The following COL22A1 variants were observed in gnomAD, a reference collection of about 807,000 sequenced individuals.
COL22A1 encodes the protein collagen type XXII alpha 1 chain.
A neutral mutation model predicts 248.9 loss-of-function variants in COL22A1; 221 were observed. The observed-to-expected ratio is 0.89, with a 90% CI of 0.80 to 0.99. The LOEUF (loss-of-function observed/expected upper bound fraction) is 0.99, where lower values mean the gene tolerates loss of function less well. Ranked by LOEUF, COL22A1 falls within the 50% of genes least tolerant of loss-of-function variation. The probability of loss-of-function intolerance (pLI) is 0.00; values close to 1 mark genes in which losing one functional copy is unlikely to be tolerated. For missense variants in COL22A1, 2,240 were observed against 2,179.0 expected, an observed-to-expected ratio of 1.03 and a Z score of -0.56; for synonymous variants, 891 against 793.4, an observed-to-expected ratio of 1.12 and a Z score of -2.07.
Position 138,878,028 on chromosome 8 carries a change from C to CG in COL22A1, c.379dup (p.Arg127ProfsTer93), listed in dbSNP as rs1563876762. ...GCCGCCGGCGTGTGGGGAGAAGCTG[C>CG]GGGCCGTGATGTAGCGGAGCGCGTC... On this transcript the variant is annotated frameshift_variant, in exon 3 of 65. Transcript: ENST00000303045. LOFTEE classifies it high-confidence loss of function. 2 of 1,590,454 alleles carry CG rather than the reference C, an allele frequency of 1.3e-6. No individual in the cohort carries two copies. Among genetic ancestry groups the CG allele is most frequent in the Non-Finnish European group, 1.7e-6 (2 of 1,168,826 alleles).
chr8:138,640,647 G>A (rs1426927672), intron 47 of COL22A1, among the ~76,000 whole-genome samples: 3 of 152,112 alleles, frequency 2.0e-5, no homozygotes, highest in Admixed American at 6.5e-5. Flanking sequence ...CTGACAATTT[G>A]TTGTGGTTGT....
At chr8:138,780,487 G>T (rs61702452) in intron 13 of COL22A1, among the ~76,000 whole-genome samples, 6,424 of 152,240 alleles carry the variant, frequency 0.042, 478 homozygotes, top group African/African-American at 0.15. Context: ...CAGCTCAGAG[G>T]CAGGTGAGAT....
intron 17 of COL22A1, among the ~76,000 whole-genome samples, chr8:138,761,660 A>G (rs975529380): frequency 6.6e-6 from 1 of 152,090 alleles, no homozygotes; most frequent in Admixed American, 6.5e-5. Context: ...ATGCTATGCA[A>G]CATAGTATTT....
Position 138,776,069 on chromosome 8 carries a change from C to T in COL22A1, c.1759-59G>A, listed in dbSNP as rs370272197. On this transcript the variant is annotated intron_variant, in intron 15 of 64. Transcript: ENST00000303045. ...CTTAATCTGGCTTCTCTGTGCTCAC[C>T]GTGGGGGTGTCCATGGAGAAACTGC... 5.3e-4 allele frequency: 834 copies of T among 1,570,068 alleles called. 3 individuals are homozygous for T. In the African/African-American group the frequency reaches 9.4e-3, roughly 18 times the overall value.
chr8:138,655,890 C>T lies in COL22A1; in HGVS notation c.3333+7G>A. On this transcript the variant is annotated splice_region_variant and intron_variant, in intron 45 of 64. Transcript: ENST00000303045. ...AAAACACATGCGCATTTATTGTATG[C>T]TTTTACCTTAGCCAAGAGATTTATG... 1 of 1,608,194 alleles carries T rather than the reference C, an allele frequency of 6.2e-7. No homozygotes were observed. The highest frequency in any genetic ancestry group is 1.1e-5 in the South Asian group (1 of 90,816).
chr8:138,650,282 TG>T (rs1388873584), intron 45 of COL22A1, among the ~76,000 whole-genome samples: 1 of 152,220 alleles, frequency 6.6e-6, no homozygotes, highest in Non-Finnish European at 1.5e-5. Context: ...CACACACCCT[TG>T]GGACTTTGTT....
intron 63 of COL22A1, among the ~76,000 whole-genome samples, chr8:138,592,300 T>C (rs1817136650): frequency 6.6e-6 from 1 of 152,232 alleles, no homozygotes; most frequent in African/African-American, 2.4e-5. Flanking sequence ...GTTTTTTAAA[T>C]CAATCACTTG....
chr8:138,614,342 G>A (rs143744512), intron 55 of COL22A1, among the ~76,000 whole-genome samples: 23 of 152,294 alleles, frequency 1.5e-4, no homozygotes, highest in African/African-American at 5.5e-4. Flanking sequence ...CTGCCAGCTT[G>A]CTAAGCAGTG....
chr8:138,867,087 G>C (rs1822954450), intron 3 of COL22A1, among the ~76,000 whole-genome samples: 1 of 152,208 alleles, frequency 6.6e-6, no homozygotes, highest in African/African-American at 2.4e-5. Flanking sequence ...ATAGTAAATA[G>C]CCTTTGGATC....
chr8:138,757,565 C>T (rs1833120630), intron 18 of COL22A1, among the ~76,000 whole-genome samples: 1 of 152,210 alleles, frequency 6.6e-6, no homozygotes, highest in Admixed American at 6.5e-5. Flanking sequence ...AATGTTCCAA[C>T]AAATTTGGTA....
At chr8:138,614,677 T>C (rs1819171537) in intron 55 of COL22A1, among the ~76,000 whole-genome samples, 1 of 151,956 alleles carries the variant, frequency 6.6e-6, no homozygotes, top group Non-Finnish European at 1.5e-5. Context: ...GGATGGACTG[T>C]ATCACGATTC....
chr8:138,799,034 T>TC (rs1289630691), intron 11 of COL22A1, among the ~76,000 whole-genome samples: 1 of 152,180 alleles, frequency 6.6e-6, no homozygotes, highest in Non-Finnish European at 1.5e-5. Flanking sequence ...CATTATTTTT[T>TC]CTCTGTTCTT....
At chr8:138,651,057 G>T (rs1036132837) in intron 45 of COL22A1, among the ~76,000 whole-genome samples, 2 of 152,166 alleles carry the variant, frequency 1.3e-5, no homozygotes, top group African/African-American at 4.8e-5. Flanking sequence ...TCCGATTTCA[G>T]GATGGTCAAG....
chr8:138,812,798 C>G, intron 8 of COL22A1, 141 bp downstream of exon 8: 2 of 697,508 alleles, frequency 2.9e-6, no homozygotes, highest in Non-Finnish European at 5.1e-6. Context: ...AGCCCATACC[C>G]TAAGCTCCCT....
intron 46 of COL22A1, among the ~76,000 whole-genome samples, chr8:138,647,472 G>A (rs566248290): frequency 2.0e-5 from 3 of 152,360 alleles, no homozygotes; most frequent in African/African-American, 7.2e-5. Flanking sequence ...AAAGTGTGCT[G>A]CACTAAGAAA....
chr8:138,882,940 A>G, intron 2 of COL22A1, 142 bp downstream of exon 2: 2 of 753,048 alleles, frequency 2.7e-6, no homozygotes, highest in Admixed American at 2.8e-5. Context: ...CAGCTGACTC[A>G]CACTTGGATT....
intron 11 of COL22A1, among the ~76,000 whole-genome samples, chr8:138,801,596 T>C (rs1263535387): frequency 1.3e-5 from 2 of 152,198 alleles, no homozygotes; most frequent in Admixed American, 6.5e-5. Context: ...GTAGTTGTTA[T>C]ACTCCTCATT....
At chr8:138,787,888 A>G (rs1815679911) in intron 12 of COL22A1, among the ~76,000 whole-genome samples, 1 of 152,234 alleles carries the variant, frequency 6.6e-6, no homozygotes, top group African/African-American at 2.4e-5. Flanking sequence ...GTCAGCATCC[A>G]GAGCCCCAGG....
chr8:138,606,532 GAAATCA>G, intron 57 of COL22A1, 80 bp from the exon 58 acceptor site: 1 of 1,352,262 alleles, frequency 7.4e-7, no homozygotes, highest in East Asian at 2.4e-5. Context: ...TGACCACTCT[GAAATCA>G]AAAGGCCTGA....
Sources: allele counts gnomAD v4.1 joint callset (sites outside exome capture counted in the v4.1 genomes callset), GRCh38; gene constraint gnomAD v4.1.1; transcripts MANE v1.5; gene names NCBI Gene and HGNC (gene_info 2026-07-23, HGNC 2026-07-21).